Variants in DOCK5 observed in about 807,000 individuals in gnomAD.
DOCK5 encodes dedicator of cytokinesis 5, also known as dedicator of cytokinesis protein 5.
In DOCK5, 142 loss-of-function variants were observed where a neutral mutation model predicts 251.8. The observed-to-expected ratio is 0.56, with a 90% CI of 0.49 to 0.65. The LOEUF is 0.65. Among genes scored for constraint, DOCK5 ranks in the 30% least tolerant of loss-of-function variants. The pLI, the probability that DOCK5 is intolerant of heterozygous loss-of-function variation, is 0.00. For missense variants in DOCK5, 2,111 were observed against 2,312.3 expected, an observed-to-expected ratio of 0.91 and a Z score of 1.79; for synonymous variants, 842 against 835.5, an observed-to-expected ratio of 1.01 and a Z score of -0.13.
chr8:25,229,691 TATATC>T (rs1263650428), intron 1 of DOCK5, among the ~76,000 whole-genome samples: 10 of 152,232 alleles, frequency 6.6e-5, no homozygotes, highest in African/African-American at 2.4e-4. Flanking sequence ...AGAAGGAAAA[TATATC>T]AGAGGGTCAT....
At chr8:25,352,852 G>A (rs1407309698) in intron 27 of DOCK5, among the ~76,000 whole-genome samples, 1 of 152,258 alleles carries the variant, frequency 6.6e-6, no homozygotes, top group East Asian at 1.9e-4. Context: ...GCAGGATAAG[G>A]GAAGTGAGGG....
chr8:25,283,935 A>G (rs1334471405), intron 5 of DOCK5, among the ~76,000 whole-genome samples: 1 of 152,154 alleles, frequency 6.6e-6, no homozygotes. Context: ...AAAGGAGGGA[A>G]CATTGTGATC....
chr8:25,314,687 C>CATCT (rs1284373447), intron 13 of DOCK5, among the ~76,000 whole-genome samples: 6 of 147,998 alleles, frequency 4.1e-5, no homozygotes, highest in African/African-American at 1.5e-4. Context: ...TGTATCTATC[C>CATCT]ATCCATCCAT....
At chr8:25,357,469 C>A (rs1304887613) in intron 27 of DOCK5, among the ~76,000 whole-genome samples, 1 of 149,922 alleles carries the variant, frequency 6.7e-6, no homozygotes, top group Non-Finnish European at 1.5e-5. Flanking sequence ...TCTCTGCCTC[C>A]CAGGTTCAAG....
intron 30 of DOCK5, among the ~76,000 whole-genome samples, chr8:25,365,666 G>C (rs1800762828): frequency 6.6e-6 from 1 of 152,182 alleles, no homozygotes; most frequent in Admixed American, 6.5e-5. Context: ...AATTGTGGGA[G>C]GGGACTAATC....
At chr8:25,324,026 T>G in intron 17 of DOCK5, 75 bp downstream of exon 17, 1 of 1,426,860 alleles carries the variant, frequency 7.0e-7, no homozygotes, top group Non-Finnish European at 9.4e-7. Context: ...CATATTTATT[T>G]GTACAAACAT....
At chr8:25,352,919 T>C (rs973263444) in intron 27 of DOCK5, among the ~76,000 whole-genome samples, 2 of 151,918 alleles carry the variant, frequency 1.3e-5, no homozygotes, top group African/African-American at 4.8e-5. Context: ...AGGGTAAAAT[T>C]TGGGTAAAAA....
chr8:25,397,751 G>A (rs1308006998), intron 45 of DOCK5, among the ~76,000 whole-genome samples: 1 of 151,336 alleles, frequency 6.6e-6, no homozygotes, highest in Non-Finnish European at 1.5e-5. Flanking sequence ...GCCAATATCT[G>A]TGACTGACAC....
intron 1 of DOCK5, among the ~76,000 whole-genome samples, chr8:25,197,304 A>G (rs1044179741): frequency 9.2e-5 from 14 of 152,198 alleles, no homozygotes; most frequent in African/African-American, 3.1e-4. Flanking sequence ...TGTTTGGGCC[A>G]TGTCCTCTCA....
intron 1 of DOCK5, among the ~76,000 whole-genome samples, chr8:25,195,585 C>T (rs1266652517): frequency 1.3e-5 from 2 of 152,184 alleles, no homozygotes; most frequent in South Asian, 4.1e-4. Flanking sequence ...TTGCCAAGCT[C>T]AGCTTGACTC....
chr8:25,280,698 G>C (rs1484234185), intron 5 of DOCK5, among the ~76,000 whole-genome samples: 2 of 152,180 alleles, frequency 1.3e-5, no homozygotes, highest in Admixed American at 1.3e-4. Context: ...GTGATCTTTT[G>C]ATCTCTTTAT....
chr8:25,325,916 A>G (rs963805573), intron 18 of DOCK5, among the ~76,000 whole-genome samples: 4 of 152,180 alleles, frequency 2.6e-5, no homozygotes, highest in African/African-American at 9.7e-5. Context: ...GAGCTTGGCA[A>G]AGAAATATAA....
chr8:25,192,678 G>T (rs973282421), intron 1 of DOCK5, among the ~76,000 whole-genome samples: 1 of 152,044 alleles, frequency 6.6e-6, no homozygotes, highest in African/African-American at 2.4e-5. Flanking sequence ...GCTAATTTTT[G>T]TTGTTGTTGT....
At chr8:25,325,643 G>A in intron 18 of DOCK5, 96 bp downstream of exon 18, 1 of 1,417,922 alleles carries the variant, frequency 7.1e-7, no homozygotes, top group Non-Finnish European at 9.5e-7. Context: ...ATGGGGCTGG[G>A]TCTTATTAGG....
intron 4 of DOCK5, chr8:25,277,345 G>C (rs1804068493): frequency 6.5e-6 from 1 of 152,798 alleles, no homozygotes; most frequent in Admixed American, 6.6e-5. Context: ...TGTTACCAAA[G>C]GGCCTTATTT....
chr8:25,218,644 G>A (rs1802309714), intron 1 of DOCK5, among the ~76,000 whole-genome samples: 2 of 152,226 alleles, frequency 1.3e-5, no homozygotes, highest in Non-Finnish European at 2.9e-5. Flanking sequence ...CAATGCAGGA[G>A]AAGGTGATAG....
At chr8:25,361,756 C>G (rs1484820022) in intron 28 of DOCK5, among the ~76,000 whole-genome samples, 1 of 152,184 alleles carries the variant, frequency 6.6e-6, no homozygotes, top group Non-Finnish European at 1.5e-5. Flanking sequence ...CACACACACA[C>G]TGGCCGGCCA....
intron 13 of DOCK5, among the ~76,000 whole-genome samples, chr8:25,315,135 T>A (rs7837496): frequency 0.72 from 51,288 of 71,292 alleles, 20,829 homozygotes; most frequent in African/African-American, 0.81. Flanking sequence ...GGGTAAATAT[T>A]AAAATTCTTA....
intron 1 of DOCK5, among the ~76,000 whole-genome samples, chr8:25,211,180 G>A (rs914835790): frequency 1.4e-5 from 1 of 70,526 alleles, no homozygotes; most frequent in South Asian, 3.8e-4. Flanking sequence ...ACAGCAGAGG[G>A]GACAGGATGG....
Sources: gnomAD v4.1 joint callset for allele counts (sites outside exome capture counted in the v4.1 genomes callset) on GRCh38, gnomAD v4.1.1 for gene constraint, MANE v1.5 for transcripts, NCBI Gene and HGNC (gene_info 2026-07-23, HGNC 2026-07-21) for gene names.